Variants in PDE4D observed in about 807,000 individuals in gnomAD.
PDE4D encodes the protein 3',5'-cyclic-AMP phosphodiesterase 4D.
In PDE4D, 24 loss-of-function variants were observed where a neutral mutation model predicts 87.4. That is an observed-to-expected ratio of 0.27 (90% CI 0.20 to 0.39). PDE4D has a LOEUF of 0.39. Ranked by LOEUF, PDE4D falls within the 10% of genes least tolerant of loss-of-function variation. The pLI, the probability that PDE4D is intolerant of heterozygous loss-of-function variation, is 1.00. For synonymous variants in PDE4D, 384 were observed against 383.2 expected, an observed-to-expected ratio of 1.00 and a Z score of -0.02; for missense variants, 714 against 1,041.0, an observed-to-expected ratio of 0.69 and a Z score of 4.32.
At chr5:59,261,304 T>C in intron 1 of PDE4D, among the ~76,000 whole-genome samples, 1 of 151,856 alleles carries the variant, frequency 6.6e-6, no homozygotes. Context: ...TTTGATGTAA[T>C]GGCCTTACTT....
chr5:59,963,648 A>G (rs1333916645), intron 3 of PDE4D, among the ~76,000 whole-genome samples: 2 of 152,146 alleles, frequency 1.3e-5, no homozygotes, highest in African/African-American at 2.4e-5. Context: ...AAATTTTCCT[A>G]TTTAGCTTTT....
intron 5 of PDE4D, among the ~76,000 whole-genome samples, chr5:59,167,643 C>A (rs1230337243): frequency 6.6e-6 from 1 of 152,178 alleles, no homozygotes; most frequent in Non-Finnish European, 1.5e-5. Flanking sequence ...TGCATCTGCT[C>A]CATTCTTCCT....
intron 1 of PDE4D, among the ~76,000 whole-genome samples, chr5:59,637,725 G>C (rs990804767): frequency 4.6e-5 from 7 of 152,104 alleles, no homozygotes; most frequent in Admixed American, 2.6e-4. Context: ...CAAAGGGAGG[G>C]GAACATCACA....
At chr5:59,050,967 C>G (rs1761456830) in intron 5 of PDE4D, among the ~76,000 whole-genome samples, 1 of 152,260 alleles carries the variant, frequency 6.6e-6, no homozygotes, top group Non-Finnish European at 1.5e-5. Flanking sequence ...AGTTTCCTTC[C>G]TTTTCCACAG....
chr5:59,521,521 C>T (rs1288074751), intron 1 of PDE4D, among the ~76,000 whole-genome samples: 2 of 152,168 alleles, frequency 1.3e-5, no homozygotes, highest in East Asian at 3.8e-4. Flanking sequence ...TTCTAATTGG[C>T]CTTGCAGGTC....
At chr5:59,804,449 T>C (rs1421206928) in intron 1 of PDE4D, among the ~76,000 whole-genome samples, 1 of 152,236 alleles carries the variant, frequency 6.6e-6, no homozygotes, top group Non-Finnish European at 1.5e-5. Flanking sequence ...TGGTTGCCTA[T>C]TTTTGCAACT....
chr5:60,496,876 TTG>T (rs1199160709), intron 1 of PDE4D, among the ~76,000 whole-genome samples: 3 of 152,216 alleles, frequency 2.0e-5, no homozygotes, highest in African/African-American at 4.8e-5. Flanking sequence ...AATGTGATTG[TTG>T]TGTTTCATAA....
At chr5:59,840,855 T>C (rs1280371807) in intron 1 of PDE4D, among the ~76,000 whole-genome samples, 1 of 152,028 alleles carries the variant, frequency 6.6e-6, no homozygotes, top group Non-Finnish European at 1.5e-5. Context: ...AGAAGGTAAT[T>C]CCATTTTGGA....
At chr5:59,512,295 C>A (rs540767227) in intron 1 of PDE4D, among the ~76,000 whole-genome samples, 1 of 152,256 alleles carries the variant, frequency 6.6e-6, no homozygotes, top group Non-Finnish European at 1.5e-5. Flanking sequence ...AAGATATTTT[C>A]TCTGTTTCCA....
At chr5:59,169,973 C>T (rs939517009) in intron 5 of PDE4D, among the ~76,000 whole-genome samples, 3 of 152,078 alleles carry the variant, frequency 2.0e-5, no homozygotes, top group Admixed American at 6.6e-5. Flanking sequence ...CTCAGGGCAG[C>T]GGGGAAGGGA....
chr5:60,266,709 A>C (rs775188194), intron 1 of PDE4D, among the ~76,000 whole-genome samples: 1 of 152,228 alleles, frequency 6.6e-6, no homozygotes, highest in Non-Finnish European at 1.5e-5. Context: ...CTAGTCAATA[A>C]GTTTCAAGAG....
intron 1 of PDE4D, chr5:60,334,983 C>T (rs968017239): frequency 6.6e-6 from 1 of 152,038 alleles, no homozygotes; most frequent in Non-Finnish European, 1.5e-5. Flanking sequence ...TCCCAGTCTC[C>T]TATATATAGC....
intron 2 of PDE4D, among the ~76,000 whole-genome samples, chr5:60,011,097 C>G (rs766669091): frequency 3.3e-5 from 5 of 152,166 alleles, no homozygotes; most frequent in Admixed American, 6.6e-5. Context: ...CTGCCAGCTT[C>G]ACTGAGGAAA....
chr5:59,082,442 T>G (rs1008379930), intron 5 of PDE4D, among the ~76,000 whole-genome samples: 2 of 152,072 alleles, frequency 1.3e-5, no homozygotes, highest in Non-Finnish European at 2.9e-5. Flanking sequence ...AACTCAAAAT[T>G]CAGGAGAATC....
chr5:60,107,932 C>G (rs1288343325), intron 2 of PDE4D, among the ~76,000 whole-genome samples: 1 of 152,122 alleles, frequency 6.6e-6, no homozygotes, highest in Non-Finnish European at 1.5e-5. Flanking sequence ...AGAATCATTC[C>G]GTTTGAAAAC....
At chr5:59,879,072 G>A (rs993972756) in intron 1 of PDE4D, among the ~76,000 whole-genome samples, 4 of 151,306 alleles carry the variant, frequency 2.6e-5, no homozygotes, top group Admixed American at 6.6e-5. Context: ...CTAATTTTGT[G>A]TGTGTTTTTA....
intron 1 of PDE4D, among the ~76,000 whole-genome samples, chr5:59,257,021 A>G (rs1761105558): frequency 6.6e-6 from 1 of 152,038 alleles, no homozygotes; most frequent in South Asian, 2.1e-4. Flanking sequence ...AAGAGGGGGG[A>G]TGAGCATAGA....
chr5:60,519,336 GAACTTTACAAA>G (rs1348935702), intron 1 of PDE4D, among the ~76,000 whole-genome samples: 1 of 152,124 alleles, frequency 6.6e-6, no homozygotes, highest in Non-Finnish European at 1.5e-5. Context: ...AAATCCCTGA[GAACTTTACAAA>G]AAATTTAAGA....
chr5:60,087,748 G>T (rs1369825975), intron 2 of PDE4D, among the ~76,000 whole-genome samples: 2 of 151,756 alleles, frequency 1.3e-5, no homozygotes, highest in Non-Finnish European at 2.9e-5. Context: ...GAAGAATAAG[G>T]GGACACCATC....
Sources: allele counts gnomAD v4.1 joint callset (sites outside exome capture counted in the v4.1 genomes callset), GRCh38; gene constraint gnomAD v4.1.1; transcripts MANE v1.5; gene names NCBI Gene and HGNC (gene_info 2026-07-23, HGNC 2026-07-21).